Variants in EPN1 observed in about 807,000 individuals in gnomAD.
EPN1 encodes the protein epsin-1.
In EPN1, 25 loss-of-function variants were observed where a neutral mutation model predicts 56.9. The ratio of observed to expected loss-of-function variants is 0.44; its 90% CI spans 0.32 to 0.61. The LOEUF (loss-of-function observed/expected upper bound fraction) is 0.61, where lower values mean the gene tolerates loss of function less well. EPN1 is among the 20% of genes least tolerant of loss of function. The probability of loss-of-function intolerance (pLI) is 0.05; values close to 1 mark genes in which losing one functional copy is unlikely to be tolerated. For missense variants in EPN1, 785 were observed against 823.7 expected, an observed-to-expected ratio of 0.95 and a Z score of 0.58; for synonymous variants, 411 against 361.8, an observed-to-expected ratio of 1.14 and a Z score of -1.54.
intron 3 of EPN1, among the ~76,000 whole-genome samples, chr19:55,686,095 C>G (rs999877194): frequency 2.0e-5 from 3 of 152,234 alleles, no homozygotes; most frequent in Non-Finnish European, 4.4e-5. Flanking sequence ...CAGGTTGCAC[C>G]AGGCATCTGG....
rs1987511940 is a variant in EPN1, at chr19:55,707,974, G to A, written c.*12618G>A. On this transcript the variant is annotated 3_prime_UTR_variant, in exon 11 of 11. Coordinates refer to ENST00000270460, the MANE Select transcript of EPN1 (RefSeq NM_001130072.2). ...AGCATTCTTTAAAGTTGTGGGAAAA[G>A]GCCAAAAGCAAATAGAAAATTGGGC... 6.6e-6 allele frequency: 1 copy of A among 152,492 alleles called. No homozygotes were observed. Among genetic ancestry groups the A allele is most frequent in the African/African-American group, 2.4e-5 (1 of 41,474 alleles). 9.4% of individuals were successfully genotyped at this position (152,492 alleles called of 1,614,324 possible). A position where few individuals can be genotyped will look rare whatever the true frequency, so the allele number is the denominator to read the frequency against.
In EPN1 at chr19:55,708,194, C is replaced by T. The variant is rs1394765581; in HGVS notation, c.*12838C>T. 1.3e-5 allele frequency: 2 copies of T among 152,176 alleles called. No individual in the cohort carries two copies. 9.4% of individuals were successfully genotyped at this position (152,176 alleles called of 1,614,324 possible). On this transcript the variant is annotated 3_prime_UTR_variant, in exon 11 of 11. Coordinates refer to ENST00000270460, the MANE Select transcript of EPN1 (RefSeq NM_001130072.2). ...GGAGAATCTGAGATTATATTTCAAT[C>T]TAATGATAACTGATTATATAATCCA...
At position 55,692,657 on chromosome 19, in the gene EPN1, G is replaced by GC. The variant is rs564177294; in HGVS notation, c.1067-25dup. The stretch of plus-strand genomic sequence containing the variant: ...GCCATCTGGGCAGTCAAGGTTGCCA[G>GC]CCCCTCATGCTCTTCTGTCCTCACC... On this transcript the variant is annotated intron_variant, in intron 7 of 10. Coordinates refer to ENST00000270460, the MANE Select transcript of EPN1 (RefSeq NM_001130072.2). 68 of 1,433,682 alleles carry GC rather than the reference G, an allele frequency of 4.7e-5. No individual in the cohort carries two copies. In the East Asian group the frequency reaches 1.6e-3, roughly 33 times the overall value. 88.8% of individuals were successfully genotyped at this position (1,433,682 alleles called of 1,614,324 possible).
At position 55,702,606 on chromosome 19, in the gene EPN1, C is replaced by G. The variant is rs1600115567; in HGVS notation, c.*7250C>G. ...TAGGAGAAGTGATTTCTTTGAACTG[C>G]GTGGTGTGGTGAGAAAGGGAGCAAT... On this transcript the variant is annotated 3_prime_UTR_variant, in exon 11 of 11. Coordinates refer to ENST00000270460, the MANE Select transcript of EPN1 (RefSeq NM_001130072.2). 1 of 152,116 alleles carries G rather than the reference C, an allele frequency of 6.6e-6. No individual in the cohort carries two copies. The highest frequency in any genetic ancestry group is 2.4e-5 in the African/African-American group (1 of 41,404). 9.4% of individuals were successfully genotyped at this position (152,116 alleles called of 1,614,324 possible). A position where few individuals can be genotyped will look rare whatever the true frequency, so the allele number is the denominator to read the frequency against.
At position 55,696,917 on chromosome 19, in the gene EPN1, CAGGGTGTCTGGA is replaced by C. The variant is rs1469693646; in HGVS notation, c.*1562_*1573del. ...CTGGCCTCCACTTGCCCCTGCAGAC[CAGGGTGTCTGGA>C]GGGTTGTCGGGGGCTTGATGGAGGA... On this transcript the variant is annotated 3_prime_UTR_variant, in exon 11 of 11. Coordinates refer to ENST00000270460, the MANE Select transcript of EPN1 (RefSeq NM_001130072.2). 6.6e-6 allele frequency: 1 copy of C among 152,282 alleles called. No individual in the cohort carries two copies. Among genetic ancestry groups the C allele is most frequent in the African/African-American group, 2.4e-5 (1 of 41,454 alleles). The allele number at this position is 152,282 out of a possible 1,614,324, so 9.4% of individuals were successfully genotyped here.
Position 55,709,071 on chromosome 19 carries a change from T to C in EPN1, c.*13715T>C. On this transcript the variant is annotated 3_prime_UTR_variant, in exon 11 of 11. Coordinates refer to ENST00000270460, the MANE Select transcript of EPN1 (RefSeq NM_001130072.2). Reference sequence around the variant, plus strand: ...TGGGAAAATAGAAATAAAGTTTTTTTTTTTGTTTTTCATTTTTACACAGTA... The same window carrying C: ...TGGGAAAATAGAAATAAAGTTTTTTCTTTTGTTTTTCATTTTTACACAGTA... 6.5e-7 allele frequency: 1 copy of C among 1,548,650 alleles called. No individual in the cohort carries two copies. Among genetic ancestry groups the C allele is most frequent in the Non-Finnish European group, 8.6e-7 (1 of 1,156,604 alleles).
rs540265800 is a variant in EPN1 at position 55,704,744 on chromosome 19, ATC to A, written c.*9395_*9396del. On this transcript the variant is annotated 3_prime_UTR_variant, in exon 11 of 11. Coordinates refer to ENST00000270460, the MANE Select transcript of EPN1 (RefSeq NM_001130072.2). ...GTCCCTGGAGGGTCCTGCCACCTAC[ATC>A]TCTCTCCTTGGCCTGCCGCCTGTGA... 2.0e-5 allele frequency: 3 copies of A among 152,504 alleles called. No homozygotes were observed. Among genetic ancestry groups the A allele is most frequent in the Non-Finnish European group, 4.4e-5 (3 of 68,374 alleles). The allele number at this position is 152,504 out of a possible 1,614,324, so 9.4% of individuals were successfully genotyped here. A position where few individuals can be genotyped will look rare whatever the true frequency, so the allele number is the denominator to read the frequency against.
In EPN1 at chr19:55,704,087, C is replaced by G. The variant is rs1308460375; in HGVS notation, c.*8731C>G. The G allele has an allele frequency of 6.6e-6, 1 of 152,350 alleles. No homozygotes were observed. Among genetic ancestry groups the G allele is most frequent in the Admixed American group, 6.5e-5 (1 of 15,292 alleles). The allele number at this position is 152,350 out of a possible 1,614,324, so 9.4% of individuals were successfully genotyped here. On this transcript the variant is annotated 3_prime_UTR_variant, in exon 11 of 11. Transcript: ENST00000270460. Reference sequence around the variant, plus strand: ...GAGACAGTCGCTCTCACACGTACCTCTCGCGGGCTCTTACTCGTGGTCCCG... The same window carrying G: ...GAGACAGTCGCTCTCACACGTACCTGTCGCGGGCTCTTACTCGTGGTCCCG...
chr19:55,688,286 A>C (rs1481505143), intron 3 of EPN1, among the ~76,000 whole-genome samples: 5 of 152,006 alleles, frequency 3.3e-5, no homozygotes, highest in Non-Finnish European at 4.4e-5. Flanking sequence ...ATATCTCAGC[A>C]GCCTCCTGGA....
intron 1 of EPN1, among the ~76,000 whole-genome samples, chr19:55,677,928 C>A (rs1173147998): frequency 6.6e-6 from 1 of 152,242 alleles, no homozygotes; most frequent in East Asian, 1.9e-4. Context: ...GGAAAAGCCA[C>A]ATGCAGACAG....
chr19:55,693,092 C>A, intron 9 of EPN1, 55 bp downstream of exon 9: 4 of 1,540,280 alleles, frequency 2.6e-6, no homozygotes, highest in Non-Finnish European at 3.6e-6. Context: ...CCTAGCTCTT[C>A]GGGAGCCCCG....
Position 55,702,346 on chromosome 19 carries a change from G to A in EPN1, c.*6990G>A, listed in dbSNP as rs1216701827. The A allele has an allele frequency of 2.6e-5, 4 of 152,418 alleles. No homozygotes were observed. In the East Asian group the frequency reaches 7.7e-4, roughly 29 times the overall value. 9.4% of individuals were successfully genotyped at this position (152,418 alleles called of 1,614,324 possible). A position where few individuals can be genotyped will look rare whatever the true frequency, so the allele number is the denominator to read the frequency against. On this transcript the variant is annotated 3_prime_UTR_variant, in exon 11 of 11. Transcript: ENST00000270460. The stretch of plus-strand genomic sequence containing the variant: ...TTATCTGTGTGTGCTAAAAGGGGAG[G>A]GAGTGTTTCTGTGCCCATTCCCAGG...
At position 55,702,725 on chromosome 19, in the gene EPN1, T is replaced by TG. The variant is rs1987201236; in HGVS notation, c.*7370dup. The TG allele has an allele frequency of 1.3e-5, 2 of 152,214 alleles. No homozygotes were observed. The allele number at this position is 152,214 out of a possible 1,614,324, so 9.4% of individuals were successfully genotyped here. ...TCTGTTTCTTACATCAATTGGGTAT[T>TG]GATTTCAGGTAGAATGGGTGAATGC... On this transcript the variant is annotated 3_prime_UTR_variant, in exon 11 of 11. Coordinates refer to ENST00000270460, the MANE Select transcript of EPN1 (RefSeq NM_001130072.2).
chr19:55,695,413 G>C lies in EPN1; in HGVS notation c.*57G>C. On this transcript the variant is annotated 3_prime_UTR_variant, in exon 11 of 11. Transcript: ENST00000270460. This position sits in a 1 kb window ranked among gnomAD's most constrained non-coding sequence, Gnocchi z 4.4. Reference sequence around the variant, plus strand: ...GCTGCCCCATTCCGGCTCCCTGGGAGATCAGTGTTGTGAGTGCATGTGAAA... The same window carrying C: ...GCTGCCCCATTCCGGCTCCCTGGGACATCAGTGTTGTGAGTGCATGTGAAA... 2 of 971,822 alleles carry C rather than the reference G, an allele frequency of 2.1e-6. No individual in the cohort carries two copies. Among genetic ancestry groups the C allele is most frequent in the South Asian group, 3.1e-5 (2 of 64,450 alleles). 60.2% of individuals were successfully genotyped at this position (971,822 alleles called of 1,614,324 possible).
chr19:55,681,868 T>G (rs1985841231), intron 2 of EPN1, among the ~76,000 whole-genome samples: 1 of 152,140 alleles, frequency 6.6e-6, no homozygotes, highest in Middle Eastern at 3.4e-3. Flanking sequence ...AATCCAGCAG[T>G]ACAGTCATAG....
At chr19:55,683,117 G>A (rs1985934520) in intron 2 of EPN1, among the ~76,000 whole-genome samples, 1 of 150,652 alleles carries the variant, frequency 6.6e-6, no homozygotes, top group Non-Finnish European at 1.5e-5. Flanking sequence ...GTGCAGTGGT[G>A]CTATCTTGGC....
intron 6 of EPN1, among the ~76,000 whole-genome samples, 158 bp downstream of exon 6, chr19:55,690,108 C>T (rs1986441449): frequency 6.6e-6 from 1 of 152,250 alleles, no homozygotes; most frequent in African/African-American, 2.4e-5. Context: ...CTGTGCCTCT[C>T]CCTCCCTGCT....
rs1987263724 is a variant in EPN1, at chr19:55,703,849, G to A, written c.*8493G>A. ...GCGGCTACCGCGTGGGCTGGGATTG[G>A]AGGAAGCTGGAAAGCGCTCCCCTGC... On this transcript the variant is annotated 3_prime_UTR_variant, in exon 11 of 11. Coordinates refer to ENST00000270460, the MANE Select transcript of EPN1 (RefSeq NM_001130072.2). 1 of 152,214 alleles carries A rather than the reference G, an allele frequency of 6.6e-6. No individual in the cohort carries two copies. The highest frequency in any genetic ancestry group is 1.5e-5 in the Non-Finnish European group (1 of 68,038). 9.4% of individuals were successfully genotyped at this position (152,214 alleles called of 1,614,324 possible).
At position 55,694,790 on chromosome 19, in the gene EPN1, G is replaced by T. The variant is rs200984889; in HGVS notation, c.1329G>T (p.Gly443=). Residue 443 remains glycine, a synonymous_variant, in exon 10 of 11, where the codon GGG becomes GGT. Coordinates refer to ENST00000270460, the MANE Select transcript of EPN1 (RefSeq NM_001130072.2). This position sits in a 1 kb window ranked among gnomAD's most constrained non-coding sequence, Gnocchi z 4.2. ...GCCCTGGGGCGTTTGACATGAGTGGGGTCAGGGGATCTCTGGCTGAGGCTG... is the reference window on the plus strand; with the variant it reads ...GCCCTGGGGCGTTTGACATGAGTGGTGTCAGGGGATCTCTGGCTGAGGCTG... ...ARSPGAFDMS[G]VRGSLAEAVG... The T allele has an allele frequency of 2.5e-6, 4 of 1,610,138 alleles. No individual in the cohort carries two copies. Among genetic ancestry groups the T allele is most frequent in the Non-Finnish European group, 3.4e-6 (4 of 1,177,870 alleles).
Sources: allele counts gnomAD v4.1 joint callset (sites outside exome capture counted in the v4.1 genomes callset), GRCh38; gene constraint gnomAD v4.1.1; non-coding constraint Gnocchi (gnomAD v3.1); transcripts MANE v1.5; gene names NCBI Gene and HGNC (gene_info 2026-07-23, HGNC 2026-07-21).